SYNE2: variants seen among roughly 807,000 people sequenced by gnomAD.
SYNE2 encodes the protein nesprin-2.
A neutral mutation model predicts 856.3 loss-of-function variants in SYNE2; 431 were observed. The observed-to-expected ratio is 0.50, with a 90% confidence interval of 0.47 to 0.55. The LOEUF is 0.55. Among genes scored for constraint, SYNE2 ranks in the 20% least tolerant of loss-of-function variants. The pLI is 0.00. For missense variants in SYNE2, 8,129 were observed against 8,023.2 expected (o/e 1.01, Z -0.50); for synonymous variants, 2,923 against 2,872.3 (o/e 1.02, Z -0.56).
intron 11 of SYNE2, among the ~76,000 whole-genome samples, chr14:63,970,070 C>T (rs1205633833): frequency 6.6e-6 from 1 of 152,132 alleles, no homozygotes; most frequent in East Asian, 1.9e-4. Context: ...GTCTTCTATG[C>T]TGACTGTATA....
chr14:64,058,340 T>C (rs1198688837), intron 49 of SYNE2, among the ~76,000 whole-genome samples: 1 of 152,234 alleles, frequency 6.6e-6, no homozygotes, highest in African/African-American at 2.4e-5. Context: ...GATGAAGATA[T>C]AGATAGATAA....
chr14:64,174,917 G>A (rs938651282), intron 94 of SYNE2, 27 bp from the exon 95 acceptor site: 2 of 1,607,332 alleles, frequency 1.2e-6, no homozygotes, highest in African/African-American at 2.7e-5. Context: ...AGAAACCTAA[G>A]CAAATTACTT....
intron 32 of SYNE2, among the ~76,000 whole-genome samples, chr14:64,016,147 C>T (rs2096890261): frequency 6.6e-6 from 1 of 150,684 alleles, no homozygotes. Flanking sequence ...TTTTTAATGC[C>T]ATTGAATGCA....
chr14:63,854,224 T>C (rs1333267834), intron 1 of SYNE2, among the ~76,000 whole-genome samples: 1 of 151,476 alleles, frequency 6.6e-6, no homozygotes, highest in Non-Finnish European at 1.5e-5. Context: ...TTTCTAGAAG[T>C]CCGAAGGCTT....
intron 1 of SYNE2, among the ~76,000 whole-genome samples, chr14:63,823,915 G>T (rs1889321289): frequency 6.6e-6 from 1 of 152,070 alleles, no homozygotes; most frequent in Non-Finnish European, 1.5e-5. Context: ...GAGATTACAG[G>T]CATGAGCCAC....
At chr14:64,132,135 T>C (rs1813053447) in intron 76 of SYNE2, 130 bp from the exon 77 acceptor site, 1 of 1,081,338 alleles carries the variant, frequency 9.2e-7, no homozygotes, top group African/African-American at 1.6e-5. Flanking sequence ...GCTGGTCAAT[T>C]TGACTCTACA....
chr14:64,213,297 C>T (rs2098651038), intron 105 of SYNE2, among the ~76,000 whole-genome samples: 1 of 152,156 alleles, frequency 6.6e-6, no homozygotes, highest in Non-Finnish European at 1.5e-5. Context: ...GCGTCACTAC[C>T]CCTAGAATTC....
intron 1 of SYNE2, among the ~76,000 whole-genome samples, chr14:63,792,790 C>T (rs1339186276): frequency 6.6e-6 from 1 of 151,932 alleles, no homozygotes; most frequent in African/African-American, 2.4e-5. Context: ...CCTGATCGTC[C>T]CACCTCAGCC....
intron 2 of SYNE2, 55 bp from the exon 3 acceptor site, chr14:63,940,559 C>T: frequency 1.3e-6 from 2 of 1,517,484 alleles, no homozygotes; most frequent in East Asian, 2.3e-5. Context: ...CTGATATGTG[C>T]AGGAGGTTTC....
intron 96 of SYNE2, among the ~76,000 whole-genome samples, chr14:64,184,259 G>A (rs914397641): frequency 1.3e-5 from 2 of 152,032 alleles, no homozygotes; most frequent in Admixed American, 1.3e-4. Flanking sequence ...CGTGAGCAGT[G>A]TTGTCATGGT....
At chr14:64,101,833 A>C in intron 63 of SYNE2, 99 bp from the exon 64 acceptor site, 1 of 839,222 alleles carries the variant, frequency 1.2e-6, no homozygotes, top group Non-Finnish European at 2.0e-6. Flanking sequence ...ACACTGCCTG[A>C]TAAGTTGAGT....
In SYNE2 at chr14:64,143,880, G is replaced by A; in HGVS notation, c.15415G>A (p.Glu5139Lys). Residue 5139 changes from glutamate (E) to lysine (K), a missense_variant, in exon 83 of 116, where the codon GAG becomes AAG. By Grantham distance (56) the Glu-to-Lys change is moderately conservative. Coordinates refer to ENST00000555002, the MANE Select transcript of SYNE2 (RefSeq NM_182914.3). ...DVESKRYERTEFAEHLGEMNR... is the reference protein window; with the variant it reads ...DVESKRYERTKFAEHLGEMNR... The stretch of plus-strand genomic sequence containing the variant: ...AGAAAGCAAGCGCTATGAAAGAACG[G>A]AGTTTGCAGAGCACCTGGGGGAGAT... 2 of 1,614,160 alleles carry A rather than the reference G, an allele frequency of 1.2e-6. No homozygotes were observed. The highest frequency in any genetic ancestry group is 1.1e-5 in the South Asian group (1 of 91,074).
chr14:64,223,879 C>T (rs546471764), intron 113 of SYNE2, among the ~76,000 whole-genome samples: 8 of 152,248 alleles, frequency 5.3e-5, no homozygotes, highest in East Asian at 3.9e-4. Flanking sequence ...ATCTCATCAC[C>T]GACCTGTGAT....
rs1342546977 is a variant in SYNE2 at position 64,218,555 on chromosome 14, G to A, written c.19657+43G>A. ...CAGTCGTCCAGAGAGGCAGAGTATGGTATTTAAGTCCTTGCTCAAGAGAAC... is the reference window on the plus strand; with the variant it reads ...CAGTCGTCCAGAGAGGCAGAGTATGATATTTAAGTCCTTGCTCAAGAGAAC... On this transcript the variant is annotated intron_variant, in intron 109 of 115. Transcript: ENST00000555002. 4 of 1,577,528 alleles carry A rather than the reference G, an allele frequency of 2.5e-6. No homozygotes were observed. In the East Asian group the frequency reaches 6.7e-5, roughly 27 times the overall value.
chr14:63,955,008 A>G lies in SYNE2; in HGVS notation c.787+93A>G. The G allele has an allele frequency of 2.8e-6, 3 of 1,053,618 alleles. No homozygotes were observed. In the South Asian group the frequency reaches 4.0e-5, roughly 14 times the overall value. The allele number at this position is 1,053,618 out of a possible 1,614,324, so 65.3% of individuals were successfully genotyped here. A position where few individuals can be genotyped will look rare whatever the true frequency, so the allele number is the denominator to read the frequency against. On this transcript the variant is annotated intron_variant, in intron 8 of 115. Transcript: ENST00000555002. Reference sequence around the variant, plus strand: ...TCTATACATGAATAAACATAGTGGCACTCTATTTTAGTCCTGGAGGGTTTA... The same window carrying G: ...TCTATACATGAATAAACATAGTGGCGCTCTATTTTAGTCCTGGAGGGTTTA...
At chr14:64,224,369 A>T (rs73265803) in intron 113 of SYNE2, 92 bp from the exon 114 acceptor site, 2 of 1,149,256 alleles carry the variant, frequency 1.7e-6, no homozygotes, top group Non-Finnish European at 2.6e-6. Flanking sequence ...AAACAAAAAA[A>T]GATTGATTTA....
intron 1 of SYNE2, among the ~76,000 whole-genome samples, chr14:63,839,830 C>A (rs976332225): frequency 3.3e-5 from 5 of 152,184 alleles, no homozygotes; most frequent in Non-Finnish European, 2.9e-5. Flanking sequence ...TTATTCCACA[C>A]CCTGAAGCTA....
chr14:64,222,665 G>A (rs2098700071), intron 112 of SYNE2, among the ~76,000 whole-genome samples: 1 of 152,206 alleles, frequency 6.6e-6, no homozygotes, highest in Non-Finnish European at 1.5e-5. Context: ...GGCGGAGGTT[G>A]CAGTGAGCCC....
At chr14:63,994,571 T>TA (rs2096697497) in intron 22 of SYNE2, among the ~76,000 whole-genome samples, 2 of 152,232 alleles carry the variant, frequency 1.3e-5, no homozygotes, top group Admixed American at 1.3e-4. Context: ...GTATCGTTGA[T>TA]ACGATTACTG....
Sources: allele counts gnomAD v4.1 joint callset (sites outside exome capture counted in the v4.1 genomes callset), GRCh38; gene constraint gnomAD v4.1.1; transcripts MANE v1.5; gene names NCBI Gene and HGNC (gene_info 2026-07-23, HGNC 2026-07-21).